Variants in TMEM87A observed in about 807,000 individuals in gnomAD.
The protein encoded by TMEM87A is Golgi-pH regulating cation channel.
A neutral mutation model predicts 90.0 loss-of-function variants in TMEM87A; 50 were observed. The ratio of observed to expected loss-of-function variants is 0.56; its 90% CI spans 0.44 to 0.70. The LOEUF (loss-of-function observed/expected upper bound fraction) is 0.70, where lower values mean the gene tolerates loss of function less well. Among genes scored for constraint, TMEM87A ranks in the 30% least tolerant of loss-of-function variants. The pLI is 0.00. For synonymous variants in TMEM87A, 226 were observed against 226.7 expected, an observed-to-expected ratio of 1.00 and a Z score of 0.03; for missense variants, 577 against 660.5, an observed-to-expected ratio of 0.87 and a Z score of 1.39.
At chr15:42,230,726 G>A (rs1314004226) in intron 12 of TMEM87A, among the ~76,000 whole-genome samples, 1 of 152,170 alleles carries the variant, frequency 6.6e-6, no homozygotes, top group African/African-American at 2.4e-5. Context: ...AAAACCTGCT[G>A]AACATACAGA....
intron 6 of TMEM87A, 81 bp from the exon 7 acceptor site, chr15:42,244,248 T>C: frequency 1.0e-6 from 1 of 984,164 alleles, no homozygotes; most frequent in Non-Finnish European, 1.5e-6. Context: ...CAAATTTTGC[T>C]CCAGAATGTG....
At chr15:42,248,103 G>A (rs1198139939) in intron 6 of TMEM87A, among the ~76,000 whole-genome samples, 1 of 152,122 alleles carries the variant, frequency 6.6e-6, no homozygotes. Flanking sequence ...TGGCGTACAG[G>A]AATGCTTGTG....
At chr15:42,268,726 G>A (rs117311542) in intron 2 of TMEM87A, among the ~76,000 whole-genome samples, 3 of 152,080 alleles carry the variant, frequency 2.0e-5, no homozygotes, top group East Asian at 1.9e-4. Flanking sequence ...AGGTATAATG[G>A]CACACTGTTA....
In TMEM87A at chr15:42,273,311, C is replaced by G. The variant is rs1595757708; in HGVS notation, c.88G>C (p.Gly30Arg). The G allele has an allele frequency of 1.2e-6, 2 of 1,614,184 alleles. No homozygotes were observed. The highest frequency in any genetic ancestry group is 1.7e-6 in the Non-Finnish European group (2 of 1,180,044). ...HPSPLSFFSA[G>R]PATVAAADRS... ...TCGGCAGCAGCTACGGTTGCCGGTCCCGCACTGAAAAACGACAGTGGTGAC... is the reference window on the plus strand; with the variant it reads ...TCGGCAGCAGCTACGGTTGCCGGTCGCGCACTGAAAAACGACAGTGGTGAC... The change falls in exon 1 of 20, where the codon GGA (glycine) becomes CGA (arginine). Residue 30 changes from glycine (G) to arginine (R), a missense_variant. Coordinates refer to ENST00000389834, the MANE Select transcript of TMEM87A (RefSeq NM_015497.5).
intron 6 of TMEM87A, among the ~76,000 whole-genome samples, chr15:42,252,042 AC>A (rs1226521489): frequency 6.6e-6 from 1 of 152,166 alleles, no homozygotes. Flanking sequence ...TGGGCGTGGG[AC>A]CCGCTGAGCC....
At chr15:42,254,866 G>A (rs150098758) in intron 6 of TMEM87A, among the ~76,000 whole-genome samples, 22 of 152,152 alleles carry the variant, frequency 1.4e-4, no homozygotes, top group South Asian at 2.1e-4. Flanking sequence ...ACATGTCAAC[G>A]TGGTTCATCA....
At chr15:42,212,579 T>G (rs767052912) in intron 19 of TMEM87A, among the ~76,000 whole-genome samples, 2 of 152,206 alleles carry the variant, frequency 1.3e-5, no homozygotes, top group Non-Finnish European at 2.9e-5. Context: ...ATTTCCTAGA[T>G]CCCAAGTCTT....
chr15:42,237,646 G>A (rs1326688897), intron 8 of TMEM87A, 31 bp from the exon 9 acceptor site: 2 of 1,520,040 alleles, frequency 1.3e-6, no homozygotes, highest in Non-Finnish European at 1.8e-6. Flanking sequence ...AGATAAAAAG[G>A]AGAATTAGGG....
At chr15:42,268,673 C>CATAAATAAATAA (rs145708642) in intron 2 of TMEM87A, among the ~76,000 whole-genome samples, 1,724 of 151,264 alleles carry the variant, frequency 0.011, 29 homozygotes, top group African/African-American at 0.04. Flanking sequence ...TCTCAAAAAA[C>CATAAATAAATAA]ATAAATAAAT....
At chr15:42,221,748 A>C (rs950141472) in intron 15 of TMEM87A, among the ~76,000 whole-genome samples, 3 of 152,040 alleles carry the variant, frequency 2.0e-5, no homozygotes, top group African/African-American at 7.2e-5. Flanking sequence ...TCAACACCAA[A>C]GGCTTTTAAA....
At chr15:42,273,539 CCT>C (rs200115858), upstream of TMEM87A, 1,304 of 1,411,378 alleles carry the variant, frequency 9.2e-4, 9 homozygotes, top group African/African-American at 0.017. Context: ...CGTAGCGGCC[CCT>C]CTCTCAGACA....
chr15:42,245,670 G>A (rs2050958864), intron 6 of TMEM87A, among the ~76,000 whole-genome samples: 1 of 151,854 alleles, frequency 6.6e-6, no homozygotes, highest in Admixed American at 6.6e-5. Context: ...GATAACAGGT[G>A]CATGACACCA....
At chr15:42,227,830 T>TC in intron 13 of TMEM87A, 61 bp from the exon 14 acceptor site, 1 of 1,476,882 alleles carries the variant, frequency 6.8e-7, no homozygotes, top group Non-Finnish European at 9.5e-7. Flanking sequence ...CCAATTACAT[T>TC]CCCCCATTTC....
intron 11 of TMEM87A, among the ~76,000 whole-genome samples, chr15:42,232,265 T>C (rs1322849528): frequency 6.6e-6 from 1 of 152,188 alleles, no homozygotes; most frequent in Non-Finnish European, 1.5e-5. Context: ...TATCACTCTG[T>C]TGCTGGAGTG....
rs1179864921 is a variant in TMEM87A, at chr15:42,237,619, T to G, written c.685-4A>C. 2 of 1,568,580 alleles carry G rather than the reference T, an allele frequency of 1.3e-6. No homozygotes were observed. Among genetic ancestry groups the G allele is most frequent in the Non-Finnish European group, 1.7e-6 (2 of 1,154,594 alleles). ...CAATACACATCACCATGAAAAACTG[T>G]TATCAAATTGGGTAAAAGATAAAAA... On this transcript the variant is annotated splice_region_variant and splice_polypyrimidine_tract_variant and intron_variant, in intron 8 of 19. Coordinates refer to ENST00000389834, the MANE Select transcript of TMEM87A (RefSeq NM_015497.5).
At chr15:42,264,543 T>C (rs1347370668) in intron 3 of TMEM87A, among the ~76,000 whole-genome samples, 2 of 149,238 alleles carry the variant, frequency 1.3e-5, no homozygotes, top group Non-Finnish European at 2.9e-5. Flanking sequence ...AAAAAAATAT[T>C]CATGCTCATA....
At chr15:42,236,040 A>C (rs140117458) in intron 10 of TMEM87A, among the ~76,000 whole-genome samples, 375 of 152,364 alleles carry the variant, frequency 2.5e-3, no homozygotes, top group Admixed American at 3.9e-3. Context: ...GTATGGAAAT[A>C]TATTCGGAAG....
At position 42,227,727 on chromosome 15, in the gene TMEM87A, A is replaced by C; in HGVS notation, c.1283T>G (p.Ile428Arg). 1 of 1,613,952 alleles carries C rather than the reference A, an allele frequency of 6.2e-7. No homozygotes were observed. Among genetic ancestry groups the C allele is most frequent in the South Asian group, 1.1e-5 (1 of 91,088 alleles). The change falls in exon 14 of 20, where the codon ATA (isoleucine) becomes AGA (arginine). Residue 428 changes from isoleucine to arginine, a missense_variant. Transcript: ENST00000389834. ...FIIWTTMKFR[I>R]VTCQSDWREL... is the part of the protein sequence containing the mutation. Reference sequence around the variant, plus strand: ...ATAACTCACCGACTGACATGTCACTATTCTGAACTTCATGGTTGTCCAGAT... The same window carrying C: ...ATAACTCACCGACTGACATGTCACTCTTCTGAACTTCATGGTTGTCCAGAT...
chr15:42,227,112 TA>T (rs774500552), intron 14 of TMEM87A: 4 of 544,836 alleles, frequency 7.3e-6, no homozygotes, highest in South Asian at 2.4e-5. Flanking sequence ...TTACTGTTGT[TA>T]AAGAAAATGC....
Sources: allele counts gnomAD v4.1 joint callset (sites outside exome capture counted in the v4.1 genomes callset), GRCh38; gene constraint gnomAD v4.1.1; transcripts MANE v1.5; gene names NCBI Gene and HGNC (gene_info 2026-07-23, HGNC 2026-07-21).